Variants in PGPEP1L observed in about 807,000 individuals in gnomAD.
PGPEP1L encodes pyroglutamyl-peptidase I like, also known as pyroglutamyl-peptidase 1-like protein.
A neutral mutation model predicts 6.0 loss-of-function variants in PGPEP1L; 7 were observed. That is an observed-to-expected ratio of 1.17 (90% CI 0.66 to 2.19). PGPEP1L has a LOEUF of 2.19. Among genes scored for constraint, PGPEP1L ranks in the 30% most tolerant of loss-of-function variants. The pLI, the probability that PGPEP1L is intolerant of heterozygous loss-of-function variation, is 0.00. For synonymous variants in PGPEP1L, 103 were observed against 83.9 expected (o/e 1.23, Z -1.24); for missense variants, 209 against 192.5 (o/e 1.09, Z -0.51).
intron 2 of PGPEP1L, among the ~76,000 whole-genome samples, chr15:99,000,282 C>T (rs1005376283): frequency 6.6e-6 from 1 of 152,190 alleles, no homozygotes; most frequent in Non-Finnish European, 1.5e-5. Context: ...CATGCCGGAG[C>T]TCCCCCTCCT....
intron 2 of PGPEP1L, among the ~76,000 whole-genome samples, chr15:98,976,122 GA>G: frequency 6.6e-6 from 1 of 152,248 alleles, no homozygotes; most frequent in South Asian, 2.1e-4. Context: ...TGGGACAATG[GA>G]AAGTTCTAGA....
chr15:98,993,382 C>G (rs1329354589), intron 2 of PGPEP1L, among the ~76,000 whole-genome samples: 1 of 152,108 alleles, frequency 6.6e-6, no homozygotes, highest in Non-Finnish European at 1.5e-5. Context: ...AAATGCACAT[C>G]AAAACCACAA....
intron 2 of PGPEP1L, among the ~76,000 whole-genome samples, chr15:98,980,957 C>T (rs1407572486): frequency 6.7e-6 from 1 of 148,588 alleles, no homozygotes; most frequent in East Asian, 2.0e-4. Flanking sequence ...AAAAAATTAA[C>T]TGTATGGTAG....
chr15:98,979,651 T>C (rs1242229314), intron 2 of PGPEP1L, among the ~76,000 whole-genome samples: 12 of 122,396 alleles, frequency 9.8e-5, no homozygotes, highest in East Asian at 6.7e-4. Context: ...TTTTTTTTTT[T>C]TTTTTTTTTT....
chr15:99,002,896 G>T (rs1367986164), intron 2 of PGPEP1L, among the ~76,000 whole-genome samples: 1 of 152,206 alleles, frequency 6.6e-6, no homozygotes, highest in Non-Finnish European at 1.5e-5. Flanking sequence ...GGAAAGGGCT[G>T]TGACTAAATG....
At chr15:98,984,457 GAT>G (rs1325354335) in intron 2 of PGPEP1L, among the ~76,000 whole-genome samples, 3 of 152,146 alleles carry the variant, frequency 2.0e-5, no homozygotes, top group East Asian at 1.9e-4. Context: ...TGGAGATGGG[GAT>G]ATGTTACACA....
intron 3 of PGPEP1L, among the ~76,000 whole-genome samples, chr15:98,970,734 C>A (rs1440965291): frequency 6.6e-6 from 1 of 152,200 alleles, no homozygotes; most frequent in Admixed American, 6.5e-5. Context: ...GTGTGGGGCC[C>A]AACCCAAGGG....
chr15:98,968,788 G>A, intron 4 of PGPEP1L, 91 bp from the exon 5 acceptor site: 1 of 1,201,234 alleles, frequency 8.3e-7, no homozygotes, highest in Non-Finnish European at 1.2e-6. Flanking sequence ...CACCCACAAA[G>A]CCTGAGGAGG....
chr15:98,975,396 G>T (rs1266747627), intron 2 of PGPEP1L, among the ~76,000 whole-genome samples: 2 of 152,218 alleles, frequency 1.3e-5, no homozygotes, highest in Non-Finnish European at 2.9e-5. Context: ...ATAAGTTCCA[G>T]TGTTCAATAG....
At chr15:98,977,618 C>T (rs951133476) in intron 2 of PGPEP1L, among the ~76,000 whole-genome samples, 2 of 152,174 alleles carry the variant, frequency 1.3e-5, no homozygotes, top group Non-Finnish European at 2.9e-5. Context: ...TCTGTCTTGG[C>T]AAACACTGCA....
At position 99,005,561 on chromosome 15, in the gene PGPEP1L, G is replaced by C. The variant is rs1231877962; in HGVS notation, c.-274C>G. ...TGAGCTCCGGGCACCTTCTCTGCCT[G>C]GCCGCGTGCTCGCCGGGGACCGGGG... On this transcript the variant is annotated 5_prime_UTR_variant, in exon 2 of 5. Transcript: ENST00000535714. The C allele has an allele frequency of 6.6e-6, 1 of 152,400 alleles. No homozygotes were observed. The highest frequency in any genetic ancestry group is 2.1e-4 in the South Asian group (1 of 4,834). 9.4% of individuals were successfully genotyped at this position (152,400 alleles called of 1,614,324 possible).
At chr15:98,980,269 C>T (rs2017638944) in intron 2 of PGPEP1L, among the ~76,000 whole-genome samples, 1 of 152,086 alleles carries the variant, frequency 6.6e-6, no homozygotes, top group Non-Finnish European at 1.5e-5. Context: ...AGTGTGGACT[C>T]GTGCCATTTC....
intron 2 of PGPEP1L, among the ~76,000 whole-genome samples, chr15:98,986,760 G>A (rs185701104): frequency 5.0e-4 from 76 of 152,278 alleles, no homozygotes; most frequent in African/African-American, 1.7e-3. Context: ...CAGATAATTA[G>A]TGTCAAAATT....
rs80172216 is a variant in PGPEP1L, at chr15:98,973,031, C to T, written c.-141-1873G>A. ...GGGTTGACAAGATATTCCATGCAAA[C>T]AGAAACCAAAAAACAGCAGGAGTAG... On this transcript the variant is annotated intron_variant, in intron 2 of 4. Coordinates refer to ENST00000535714, the MANE Select transcript of PGPEP1L (RefSeq NM_001167902.2). Among the ~76,000 whole-genome samples, 471 of 151,346 alleles carry T rather than the reference C, an allele frequency of 3.1e-3. 5 individuals are homozygous for T. Among genetic ancestry groups the T allele is most frequent in the African/African-American group, 0.01 (431 of 41,236 alleles).
chr15:98,978,726 A>ATATATTTTTTTTTTT (rs1446348988), intron 2 of PGPEP1L, among the ~76,000 whole-genome samples: 1 of 85,254 alleles, frequency 1.2e-5, no homozygotes, highest in African/African-American at 5.1e-5. Context: ...ATATATATAT[A>ATATATTTTTTTTTTT]TTTTTTTTTT....
Position 98,969,628 on chromosome 15 carries a change from G to A in PGPEP1L, c.6C>T (p.Asp2=). The change falls in exon 4 of 5, where the codon GAC becomes GAT. Residue 2 remains aspartate, a synonymous_variant. Coordinates refer to ENST00000535714, the MANE Select transcript of PGPEP1L (RefSeq NM_001167902.2). M[D]TAAKAIILEQ... ...CCAGAATGATCGCCTTGGCGGCGGT[G>A]TCCATGCCCACATGCACGACGAGCT... is the stretch of plus-strand genomic sequence containing the variant. 1 of 1,612,484 alleles carries A rather than the reference G, an allele frequency of 6.2e-7. No homozygotes were observed. Among genetic ancestry groups the A allele is most frequent in the Non-Finnish European group, 8.5e-7 (1 of 1,179,892 alleles).
rs761427062 is a variant in PGPEP1L at position 98,971,197 on chromosome 15, G to T, written c.-141-39C>A. 171 of 324,020 alleles carry T rather than the reference G, an allele frequency of 5.3e-4. 7 individuals carry two copies. The East Asian group carries it at 0.011, about 21-fold the overall frequency. 20.1% of individuals were successfully genotyped at this position (324,020 alleles called of 1,614,324 possible). Reference sequence around the variant, plus strand: ...CAGGTGGACTTGCCTCAGTTGATGGGGGGGGGGGGGGGGTGGGCACCAAGA... The same window carrying T: ...CAGGTGGACTTGCCTCAGTTGATGGTGGGGGGGGGGGGGTGGGCACCAAGA... On this transcript the variant is annotated intron_variant, in intron 2 of 4. Coordinates refer to ENST00000535714, the MANE Select transcript of PGPEP1L (RefSeq NM_001167902.2).
chr15:99,007,146 G>T (rs189717061), intron 1 of PGPEP1L, among the ~76,000 whole-genome samples: 2 of 152,202 alleles, frequency 1.3e-5, no homozygotes, highest in South Asian at 2.1e-4. Context: ...CCTCTTCACT[G>T]CCAACAGGTG....
intron 2 of PGPEP1L, among the ~76,000 whole-genome samples, chr15:99,004,633 G>A (rs1188565204): frequency 1.3e-5 from 2 of 152,082 alleles, no homozygotes; most frequent in Non-Finnish European, 2.9e-5. Context: ...CAGGAGAATC[G>A]CTTGAACCCA....
Sources: gnomAD v4.1 joint callset for allele counts (sites outside exome capture counted in the v4.1 genomes callset) on GRCh38, gnomAD v4.1.1 for gene constraint, MANE v1.5 for transcripts, NCBI Gene and HGNC (gene_info 2026-07-23, HGNC 2026-07-21) for gene names.